MDGA2: variants seen among roughly 807,000 people sequenced by gnomAD.
The protein encoded by MDGA2 is MAM domain-containing glycosylphosphatidylinositol anchor protein 2.
Under a neutral mutation model 117.8 loss-of-function variants are expected in MDGA2, and 40 were observed. The ratio of observed to expected loss-of-function variants is 0.34; its 90% CI spans 0.26 to 0.44. The LOEUF (loss-of-function observed/expected upper bound fraction) is 0.44, where lower values mean the gene tolerates loss of function less well. Among genes scored for constraint, MDGA2 ranks in the 20% least tolerant of loss-of-function variants. The pLI is 1.00. For missense variants in MDGA2, 1,123 were observed against 1,250.6 expected (o/e 0.90, Z 1.54); for synonymous variants, 452 against 439.0 (o/e 1.03, Z -0.37).
intron 7 of MDGA2, among the ~76,000 whole-genome samples, chr14:47,039,577 T>G (rs1888987770): frequency 6.6e-6 from 1 of 152,204 alleles, no homozygotes; most frequent in African/African-American, 2.4e-5. Context: ...GTTTTGTTCA[T>G]GTCAGTATGA....
chr14:47,554,275 T>C (rs576562477), intron 1 of MDGA2, among the ~76,000 whole-genome samples: 4 of 152,222 alleles, frequency 2.6e-5, no homozygotes, highest in African/African-American at 9.6e-5. Context: ...AGCAAATATA[T>C]GGATATGAAT....
chr14:46,875,870 T>A (rs1384094120), intron 12 of MDGA2, among the ~76,000 whole-genome samples: 1 of 151,674 alleles, frequency 6.6e-6, no homozygotes, highest in Non-Finnish European at 1.5e-5. Context: ...TTACTTTTTA[T>A]ATGTTATTTA....
intron 1 of MDGA2, among the ~76,000 whole-genome samples, chr14:47,406,972 TC>T (rs113010202): frequency 7.8e-4 from 118 of 152,226 alleles, no homozygotes; most frequent in African/African-American, 2.6e-3. Flanking sequence ...TTCATTTTTT[TC>T]ATTTAATATA....
At chr14:47,370,468 GTTTTTTT>G (rs67255552) in intron 1 of MDGA2, among the ~76,000 whole-genome samples, 1 of 20,684 alleles carries the variant, frequency 4.8e-5, no homozygotes, top group South Asian at 2.1e-3. Context: ...TCTACTTACT[GTTTTTTT>G]TTTTTTTTTT....
At chr14:47,043,519 A>T (rs1290790300) in intron 7 of MDGA2, among the ~76,000 whole-genome samples, 6 of 152,054 alleles carry the variant, frequency 3.9e-5, no homozygotes, top group African/African-American at 1.2e-4. Context: ...TTTTAAATGA[A>T]TTACTAAGAT....
rs1491495121 is a variant in MDGA2 at position 47,278,393 on chromosome 14, TCA to T, written c.420+23016_420+23017del. ...CAGATCAGGGTCATGAAGCCAGAAC[TCA>T]GACTGTGAAGCTGGCTACAGCTCTG... is the stretch of plus-strand genomic sequence containing the variant. On this transcript the variant is annotated intron_variant, in intron 2 of 16. Transcript: ENST00000399232. Among the ~76,000 whole-genome samples the T allele has an allele frequency of 1.1e-4, 16 of 151,752 alleles. 1 individual carries two copies. The East Asian group carries it at 1.6e-3, about 15-fold the overall frequency.
chr14:47,531,201 T>C (rs1356039345), intron 1 of MDGA2, among the ~76,000 whole-genome samples: 1 of 152,098 alleles, frequency 6.6e-6, no homozygotes, highest in African/African-American at 2.4e-5. Flanking sequence ...GCCAAGATCA[T>C]GCCACTGCAC....
chr14:47,132,954 C>T (rs1297490671), intron 4 of MDGA2, among the ~76,000 whole-genome samples: 6 of 151,830 alleles, frequency 4.0e-5, no homozygotes, highest in Admixed American at 1.3e-4. Flanking sequence ...TGTTCATTTG[C>T]AAGAAAGCTT....
chr14:47,645,391 G>T (rs1484088261), intron 1 of MDGA2, among the ~76,000 whole-genome samples: 2 of 151,684 alleles, frequency 1.3e-5, no homozygotes, highest in Non-Finnish European at 2.9e-5. Context: ...ATGACACCTC[G>T]CCCGGCTAAT....
intron 2 of MDGA2, among the ~76,000 whole-genome samples, chr14:47,221,687 CA>C (rs36059038): frequency 2.3e-4 from 28 of 124,162 alleles, no homozygotes; most frequent in South Asian, 2.8e-4. Flanking sequence ...GACTCTATCT[CA>C]AAAAAAAAAA....
At chr14:47,080,203 G>T (rs1188619160) in intron 6 of MDGA2, among the ~76,000 whole-genome samples, 1 of 152,140 alleles carries the variant, frequency 6.6e-6, no homozygotes, top group Non-Finnish European at 1.5e-5. Flanking sequence ...CAGGGTAGAA[G>T]AAATGATTCT....
chr14:47,125,041 T>G (rs1182548170), intron 5 of MDGA2, among the ~76,000 whole-genome samples: 2 of 152,164 alleles, frequency 1.3e-5, no homozygotes, highest in Non-Finnish European at 2.9e-5. Context: ...CCTTAAAAAC[T>G]GTTATTGATG....
intron 16 of MDGA2, 76 bp from the exon 17 acceptor site, chr14:46,842,095 G>T (rs1455150359): frequency 2.4e-5 from 20 of 848,320 alleles, no homozygotes; most frequent in Non-Finnish European, 3.6e-5. Flanking sequence ...ACACAACCTT[G>T]GTGAATAATA....
chr14:47,114,170 G>A (rs1236776748), intron 5 of MDGA2, among the ~76,000 whole-genome samples: 2 of 151,878 alleles, frequency 1.3e-5, no homozygotes, highest in African/African-American at 4.8e-5. Flanking sequence ...GCTACAAAGA[G>A]AATAAAATAC....
chr14:47,512,100 G>A (rs1894654271), intron 1 of MDGA2, among the ~76,000 whole-genome samples: 1 of 152,150 alleles, frequency 6.6e-6, no homozygotes, highest in African/African-American at 2.4e-5. Flanking sequence ...GGGGCACCAT[G>A]AGAATTACTG....
intron 7 of MDGA2, among the ~76,000 whole-genome samples, chr14:47,052,962 C>A (rs1271027444): frequency 6.6e-6 from 1 of 151,820 alleles, no homozygotes; most frequent in Non-Finnish European, 1.5e-5. Context: ...ATATTCAATC[C>A]TTTCACTTAA....
intron 1 of MDGA2, among the ~76,000 whole-genome samples, chr14:47,501,629 A>C (rs116383221): frequency 3.3e-5 from 5 of 152,206 alleles, no homozygotes; most frequent in African/African-American, 1.2e-4. Context: ...AAATTAGGTC[A>C]TTAGAGTGGG....
At position 46,841,305 on chromosome 14, in the gene MDGA2, G is replaced by A. The variant is rs935126433; in HGVS notation, c.*626C>T. The A allele has an allele frequency of 6.6e-6, 1 of 152,524 alleles. No homozygotes were observed. The highest frequency in any genetic ancestry group is 6.6e-5 in the Admixed American group (1 of 15,230). The allele number at this position is 152,524 out of a possible 1,614,324, so 9.4% of individuals were successfully genotyped here. A position where few individuals can be genotyped will look rare whatever the true frequency, so the allele number is the denominator to read the frequency against. ...ATACAGTTATCTAGCTTAGCCATGG[G>A]AGAAAAATAATAATAATAAAGGTGG... On this transcript the variant is annotated 3_prime_UTR_variant, in exon 17 of 17. Coordinates refer to ENST00000399232, the MANE Select transcript of MDGA2 (RefSeq NM_001113498.3).
intron 15 of MDGA2, among the ~76,000 whole-genome samples, chr14:46,849,710 T>C (rs912852926): frequency 6.6e-6 from 1 of 151,934 alleles, no homozygotes; most frequent in Non-Finnish European, 1.5e-5. Context: ...CAACAAAAAA[T>C]CTTAATTATA....
Sources: gnomAD v4.1 joint callset for allele counts (sites outside exome capture counted in the v4.1 genomes callset) on GRCh38, gnomAD v4.1.1 for gene constraint, MANE v1.5 for transcripts, NCBI Gene and HGNC (gene_info 2026-07-23, HGNC 2026-07-21) for gene names.